Variants in NFIB observed in about 807,000 individuals in gnomAD.
NFIB encodes nuclear factor 1 B-type.
A neutral mutation model predicts 61.5 loss-of-function variants in NFIB; 11 were observed. The observed-to-expected ratio is 0.18, with a 90% CI of 0.11 to 0.30. The LOEUF (loss-of-function observed/expected upper bound fraction) is 0.30. NFIB is among the 10% of genes least tolerant of loss of function. The pLI, the probability that NFIB is intolerant of heterozygous loss-of-function variation, is 1.00. For synonymous variants in NFIB, 260 were observed against 216.5 expected (o/e 1.20, Z -1.76); for missense variants, 471 against 608.9 (o/e 0.77, Z 2.38).
At chr9:14,287,697 G>A (rs1256871194) in intron 2 of NFIB, among the ~76,000 whole-genome samples, 2 of 151,920 alleles carry the variant, frequency 1.3e-5, no homozygotes, top group Non-Finnish European at 2.9e-5. Context: ...TGGGATTACA[G>A]GCATGAGCCA....
At chr9:14,348,923 T>G (rs1420162316) in intron 1 of NFIB, among the ~76,000 whole-genome samples, 1 of 152,240 alleles carries the variant, frequency 6.6e-6, no homozygotes, top group Non-Finnish European at 1.5e-5. Context: ...AAAAACCTCC[T>G]GGCGGCTTCC....
intron 2 of NFIB, among the ~76,000 whole-genome samples, chr9:14,214,284 G>A (rs1002919944): frequency 2.6e-5 from 4 of 152,186 alleles, no homozygotes; most frequent in Non-Finnish European, 5.9e-5. Context: ...AGCACACAGG[G>A]CCAGTGTCAG....
intron 5 of NFIB, among the ~76,000 whole-genome samples, chr9:14,147,969 T>C (rs1032888986): frequency 2.6e-5 from 4 of 152,002 alleles, no homozygotes; most frequent in Non-Finnish European, 4.4e-5. Flanking sequence ...TATGGAAATA[T>C]GACTCATCTC....
At chr9:14,439,626 G>A in the NFIB span, among the ~76,000 whole-genome samples, 2 of 152,162 alleles carry the variant, frequency 1.3e-5, no homozygotes, top group Non-Finnish European at 2.9e-5. Flanking sequence ...CAGGAGAGCT[G>A]GCACATGCTG....
chr9:14,434,893 T>C, the NFIB span, among the ~76,000 whole-genome samples: 90,491 of 151,908 alleles, frequency 0.6, 27,211 homozygotes, highest in East Asian at 0.76. Context: ...TGGGAACAGC[T>C]GGAGCTAGCT....
intron 2 of NFIB, among the ~76,000 whole-genome samples, chr9:14,268,320 ATCT>A (rs2057364378): frequency 6.6e-6 from 1 of 151,974 alleles, no homozygotes; most frequent in Non-Finnish European, 1.5e-5. Flanking sequence ...AAGCTTGATG[ATCT>A]ACCCTCTGGA....
intron 1 of NFIB, among the ~76,000 whole-genome samples, chr9:14,343,345 G>A (rs941525736): frequency 1.9e-4 from 29 of 152,156 alleles, no homozygotes; most frequent in East Asian, 3.9e-4. Context: ...GGGCTGGGGC[G>A]GGGGAGAGTG....
chr9:14,267,872 C>G (rs921877105), intron 2 of NFIB, among the ~76,000 whole-genome samples: 2 of 152,162 alleles, frequency 1.3e-5, no homozygotes, highest in African/African-American at 4.8e-5. Context: ...GTGGCTCACG[C>G]CTGTAATCCC....
intron 2 of NFIB, among the ~76,000 whole-genome samples, chr9:14,198,854 A>G (rs1175882593): frequency 6.6e-6 from 1 of 152,196 alleles, no homozygotes; most frequent in Non-Finnish European, 1.5e-5. Flanking sequence ...TGCAGTCCTT[A>G]AGCCAAAACC....
chr9:14,121,227 G>A (rs2038891815), intron 7 of NFIB, among the ~76,000 whole-genome samples: 1 of 152,188 alleles, frequency 6.6e-6, no homozygotes, highest in South Asian at 2.1e-4. Context: ...TGGCGCCATT[G>A]CGCTCCAACC....
rs141589035 is a variant in NFIB at position 14,331,796 on chromosome 9, GTTGT to G, written c.109-24280_109-24277del. 6.2e-4 allele frequency among the ~76,000 whole-genome samples: 94 copies of G among 152,312 alleles called. No individual in the cohort carries two copies. In the East Asian group the frequency reaches 0.012, roughly 20 times the overall value. On this transcript the variant is annotated intron_variant, in intron 1 of 8. Coordinates refer to the NFIB transcript ENST00000380934. The stretch of plus-strand genomic sequence containing the variant: ...CGAAAATCATGCCTGCTTCAGTGTG[GTTGT>G]TTGGGGATCAAAATTTTTCATTTGT...
chr9:14,509,099 T>C, the NFIB span, among the ~76,000 whole-genome samples: 1 of 152,318 alleles, frequency 6.6e-6, no homozygotes, highest in East Asian at 1.9e-4. Flanking sequence ...AGCAAGCGTT[T>C]CTTGAGGACT....
At chr9:14,342,209 G>T (rs949324771) in intron 1 of NFIB, among the ~76,000 whole-genome samples, 1 of 152,202 alleles carries the variant, frequency 6.6e-6, no homozygotes, top group African/African-American at 2.4e-5. Context: ...AGATAAGGGG[G>T]TAGAATAATG....
At chr9:14,454,855 T>C in the NFIB span, among the ~76,000 whole-genome samples, 1 of 152,208 alleles carries the variant, frequency 6.6e-6, no homozygotes, top group Non-Finnish European at 1.5e-5. Flanking sequence ...TTTAAAGGTT[T>C]TCATATGGTC....
chr9:14,217,370 T>C (rs566214593), intron 2 of NFIB, among the ~76,000 whole-genome samples: 5 of 152,168 alleles, frequency 3.3e-5, no homozygotes, highest in African/African-American at 4.8e-5. Context: ...TTTTAAAATA[T>C]ACAAACTAGG....
intron 2 of NFIB, among the ~76,000 whole-genome samples, chr9:14,245,727 G>T (rs1404800392): frequency 6.6e-6 from 1 of 151,988 alleles, no homozygotes; most frequent in Non-Finnish European, 1.5e-5. Flanking sequence ...AGAAAAATCA[G>T]CAGGGCGTTG....
chr9:14,429,065 G>A, the NFIB span, among the ~76,000 whole-genome samples: 1 of 152,162 alleles, frequency 6.6e-6, no homozygotes, highest in African/African-American at 2.4e-5. Flanking sequence ...CATTCTAGGG[G>A]CCGCATGACC....
At chr9:14,334,576 C>A (rs1001111158) in intron 1 of NFIB, among the ~76,000 whole-genome samples, 2 of 152,106 alleles carry the variant, frequency 1.3e-5, no homozygotes, top group Non-Finnish European at 2.9e-5. Context: ...ATACTCTACA[C>A]GTGAGTCCTT....
intron 2 of NFIB, among the ~76,000 whole-genome samples, chr9:14,231,129 A>AT (rs1312639176): frequency 7.7e-5 from 6 of 78,186 alleles, no homozygotes; most frequent in African/African-American, 2.2e-4. Context: ...GGAAAAAAAA[A>AT]AAAAAAATAT....
Sources: gnomAD v4.1 joint callset for allele counts (sites outside exome capture counted in the v4.1 genomes callset) on GRCh38, gnomAD v4.1.1 for gene constraint, MANE v1.5 for transcripts, NCBI Gene and HGNC (gene_info 2026-07-23, HGNC 2026-07-21) for gene names.